PTPRD: variants seen among roughly 807,000 people sequenced by gnomAD.
PTPRD encodes receptor-type tyrosine-protein phosphatase delta.
Under a neutral mutation model 214.5 loss-of-function variants are expected in PTPRD, and 34 were observed. That is an observed-to-expected ratio of 0.16 (90% CI 0.12 to 0.21). The LOEUF (loss-of-function observed/expected upper bound fraction) is 0.21. PTPRD is among the 10% of genes least tolerant of loss of function. PTPRD has a pLI of 1.00. For synonymous variants in PTPRD, 1,128 were observed against 845.7 expected, an observed-to-expected ratio of 1.33 and a Z score of -5.79; for missense variants, 2,545 against 2,398.7, an observed-to-expected ratio of 1.06 and a Z score of -1.27.
At position 9,762,861 on chromosome 9, in the gene PTPRD, T is replaced by C. The variant is rs74862139; in HGVS notation, c.-326+3949A>G. Among the ~76,000 whole-genome samples the C allele has an allele frequency of 0.014, 2,082 of 152,322 alleles. 119 individuals carry two copies. In the East Asian group the frequency reaches 0.14, roughly 10 times the overall value. On this transcript the variant is annotated intron_variant, in intron 6 of 45. Coordinates refer to ENST00000381196, the MANE Select transcript of PTPRD (RefSeq NM_002839.4). ...GCTGGGTTGCCATAGCAAGATACCA[T>C]AGACCAAGTGGCTTAAACAAATGAA...
intron 11 of PTPRD, among the ~76,000 whole-genome samples, chr9:9,003,746 C>G (rs563677826): frequency 6.6e-6 from 1 of 152,014 alleles, no homozygotes; most frequent in Non-Finnish European, 1.5e-5. Flanking sequence ...TCTGTGTTTT[C>G]GAACTGGCCT....
chr9:9,567,912 C>G (rs571001316), intron 8 of PTPRD, among the ~76,000 whole-genome samples: 24 of 151,902 alleles, frequency 1.6e-4, no homozygotes, highest in African/African-American at 4.8e-4. Context: ...GTCATAAAAT[C>G]TTAATCTTTT....
At chr9:9,985,393 A>T (rs2095674546) in intron 4 of PTPRD, among the ~76,000 whole-genome samples, 1 of 152,214 alleles carries the variant, frequency 6.6e-6, no homozygotes, top group Non-Finnish European at 1.5e-5. Context: ...CCATTCTTTG[A>T]ACTGTAGCCA....
chr9:9,699,334 C>A (rs140720488), intron 7 of PTPRD, among the ~76,000 whole-genome samples: 84 of 152,164 alleles, frequency 5.5e-4, no homozygotes, highest in African/African-American at 2.0e-3. Flanking sequence ...GTCAAAATTA[C>A]TAACCACCAT....
intron 2 of PTPRD, among the ~76,000 whole-genome samples, chr9:10,578,976 T>C (rs13284919): frequency 0.18 from 27,662 of 152,024 alleles, 2,828 homozygotes; most frequent in East Asian, 0.26. Context: ...TACGTAGGTA[T>C]ACATGTGCCA....
chr9:9,213,350 C>T (rs2099950037), intron 9 of PTPRD, among the ~76,000 whole-genome samples: 1 of 152,132 alleles, frequency 6.6e-6, no homozygotes, highest in Non-Finnish European at 1.5e-5. Context: ...CCATTTGATG[C>T]ATAGACATCA....
At chr9:8,520,531 C>T (rs2097866485) in intron 20 of PTPRD, among the ~76,000 whole-genome samples, 1 of 152,042 alleles carries the variant, frequency 6.6e-6, no homozygotes, top group South Asian at 2.1e-4. Context: ...ATAGTTCTAG[C>T]CATCTGCAGA....
At chr9:9,855,349 G>A (rs553810078) in intron 5 of PTPRD, among the ~76,000 whole-genome samples, 5 of 152,226 alleles carry the variant, frequency 3.3e-5, no homozygotes, top group African/African-American at 1.2e-4. Context: ...TCACAGGAAC[G>A]CTGAGTAAAA....
At chr9:8,715,423 G>A (rs540617768) in intron 12 of PTPRD, among the ~76,000 whole-genome samples, 11 of 152,238 alleles carry the variant, frequency 7.2e-5, no homozygotes, top group Non-Finnish European at 7.3e-5. Flanking sequence ...AGCATCCAGC[G>A]ATATGCTGGC....
intron 9 of PTPRD, among the ~76,000 whole-genome samples, chr9:9,223,289 A>G (rs1002036739): frequency 6.6e-6 from 1 of 152,004 alleles, no homozygotes; most frequent in Non-Finnish European, 1.5e-5. Flanking sequence ...CTAATCTCTC[A>G]GAAGTGTGAT....
chr9:8,933,039 C>T (rs551654738), intron 11 of PTPRD, among the ~76,000 whole-genome samples: 1 of 152,136 alleles, frequency 6.6e-6, no homozygotes, highest in African/African-American at 2.4e-5. Context: ...GTTGCGAAGA[C>T]CATGGGAAAA....
chr9:9,825,954 T>A (rs1166787814), intron 5 of PTPRD, among the ~76,000 whole-genome samples: 3 of 151,720 alleles, frequency 2.0e-5, no homozygotes, highest in Non-Finnish European at 2.9e-5. Context: ...TAATTCCAGG[T>A]TGATATCCTT....
At chr9:8,525,557 C>G (rs942801344) in intron 17 of PTPRD, among the ~76,000 whole-genome samples, 1 of 152,038 alleles carries the variant, frequency 6.6e-6, no homozygotes, top group Non-Finnish European at 1.5e-5. Flanking sequence ...TATAAATTAT[C>G]AAAATATCAC....
At chr9:9,375,836 G>T (rs184191873) in intron 9 of PTPRD, among the ~76,000 whole-genome samples, 1 of 152,038 alleles carries the variant, frequency 6.6e-6, no homozygotes. Context: ...GTCAGTTTGC[G>T]ATGATGAAAA....
intron 10 of PTPRD, among the ~76,000 whole-genome samples, chr9:9,114,519 AC>A (rs1223029510): frequency 1.3e-5 from 2 of 152,088 alleles, no homozygotes; most frequent in Admixed American, 1.3e-4. Flanking sequence ...CTTGGCTAAC[AC>A]TTTTTAACCA....
At chr9:9,744,620 T>C (rs1250580515) in intron 6 of PTPRD, among the ~76,000 whole-genome samples, 1 of 152,042 alleles carries the variant, frequency 6.6e-6, no homozygotes, top group Non-Finnish European at 1.5e-5. Flanking sequence ...AGAAAAATGC[T>C]ACTGTCACAA....
intron 10 of PTPRD, among the ~76,000 whole-genome samples, chr9:9,080,826 G>A (rs1297907388): frequency 6.6e-6 from 1 of 152,126 alleles, no homozygotes; most frequent in East Asian, 1.9e-4. Flanking sequence ...TTGTATTTCT[G>A]TGGGATCAGT....
chr9:10,142,532 C>T (rs906280965), intron 3 of PTPRD, among the ~76,000 whole-genome samples: 7 of 152,062 alleles, frequency 4.6e-5, no homozygotes, highest in Admixed American at 3.9e-4. Context: ...AAATGCTCAC[C>T]ATCACTAGCC....
At chr9:8,670,341 C>T (rs1218138261) in intron 12 of PTPRD, among the ~76,000 whole-genome samples, 1 of 152,116 alleles carries the variant, frequency 6.6e-6, no homozygotes. Flanking sequence ...ACCACTGTTT[C>T]ATTCTGTATC....
Sources: allele counts gnomAD v4.1 joint callset (sites outside exome capture counted in the v4.1 genomes callset), GRCh38; gene constraint gnomAD v4.1.1; transcripts MANE v1.5; gene names NCBI Gene and HGNC (gene_info 2026-07-23, HGNC 2026-07-21).